The following SUCLG2 variants were observed in gnomAD, a reference collection of about 807,000 sequenced individuals.
SUCLG2 encodes succinate--CoA ligase [GDP-forming] subunit beta, mitochondrial.
In SUCLG2, 42 loss-of-function variants were observed where a neutral mutation model predicts 47.9. The observed-to-expected ratio is 0.88, with a 90% CI of 0.69 to 1.14. The LOEUF (loss-of-function observed/expected upper bound fraction) is 1.14, where lower values mean the gene tolerates loss of function less well. Ranked by LOEUF, SUCLG2 falls within the 50% of genes most tolerant of loss-of-function variation. The probability of loss-of-function intolerance (pLI) is 0.00; values close to 1 mark genes in which losing one functional copy is unlikely to be tolerated. For synonymous variants in SUCLG2, 195 were observed against 197.3 expected (o/e 0.99, Z 0.10); for missense variants, 571 against 525.9 (o/e 1.09, Z -0.84).
chr3:67,498,089 C>A (rs1237809024), intron 8 of SUCLG2, 45 bp downstream of exon 8: 1 of 1,555,232 alleles, frequency 6.4e-7, no homozygotes. Context: ...TTCCTAAATT[C>A]TATAAGAATC....
At chr3:67,409,958 G>A (rs1004646802) in intron 9 of SUCLG2, among the ~76,000 whole-genome samples, 3 of 152,238 alleles carry the variant, frequency 2.0e-5, no homozygotes, top group African/African-American at 7.2e-5. Flanking sequence ...TATATTGTAC[G>A]AAGTATTAGA....
At chr3:67,462,763 G>A (rs1704370536) in intron 9 of SUCLG2, among the ~76,000 whole-genome samples, 1 of 152,242 alleles carries the variant, frequency 6.6e-6, no homozygotes, top group African/African-American at 2.4e-5. Context: ...GAGAAACACA[G>A]GTAAAACAAC....
At chr3:67,389,554 A>G (rs995385679) in intron 10 of SUCLG2, among the ~76,000 whole-genome samples, 1 of 152,220 alleles carries the variant, frequency 6.6e-6, no homozygotes, top group Admixed American at 6.5e-5. Flanking sequence ...TGCCAACTAC[A>G]GGGACCTTTG....
chr3:67,570,522 T>G (rs1707578020), intron 2 of SUCLG2, among the ~76,000 whole-genome samples: 1 of 152,164 alleles, frequency 6.6e-6, no homozygotes, highest in South Asian at 2.1e-4. Context: ...CAGCCAATAG[T>G]CTTAGGTTAG....
intron 4 of SUCLG2, among the ~76,000 whole-genome samples, chr3:67,527,218 T>C (rs903744010): frequency 9.9e-5 from 15 of 152,218 alleles, no homozygotes; most frequent in Non-Finnish European, 1.5e-4. Flanking sequence ...GCATGGTGCA[T>C]TGGTAGAGAC....
chr3:67,618,030 A>G (rs895358856), intron 1 of SUCLG2, among the ~76,000 whole-genome samples: 2 of 152,232 alleles, frequency 1.3e-5, no homozygotes, highest in African/African-American at 2.4e-5. Context: ...CTAATCATGG[A>G]ATTTCTATAC....
intron 9 of SUCLG2, among the ~76,000 whole-genome samples, chr3:67,417,236 T>C (rs899643629): frequency 3.3e-5 from 5 of 152,236 alleles, no homozygotes; most frequent in Admixed American, 3.3e-4. Context: ...TCATAAATGT[T>C]TCATTTGGCA....
intron 1 of SUCLG2, among the ~76,000 whole-genome samples, chr3:67,645,524 T>G (rs1701175416): frequency 6.6e-6 from 1 of 152,178 alleles, no homozygotes; most frequent in African/African-American, 2.4e-5. Context: ...TTACTTAGTT[T>G]TTCTAATGTG....
chr3:67,427,911 G>C (rs1471413901), intron 9 of SUCLG2, among the ~76,000 whole-genome samples: 1 of 152,176 alleles, frequency 6.6e-6, no homozygotes, highest in Non-Finnish European at 1.5e-5. Flanking sequence ...CAGCAAGGCT[G>C]GGGGAGGGGC....
chr3:67,539,365 T>C (rs1267636211), intron 2 of SUCLG2, among the ~76,000 whole-genome samples: 2 of 152,198 alleles, frequency 1.3e-5, no homozygotes, highest in Non-Finnish European at 2.9e-5. Context: ...TTATGTTAAT[T>C]GATTTGTGTA....
At chr3:67,574,128 A>C (rs1707686718) in intron 2 of SUCLG2, among the ~76,000 whole-genome samples, 1 of 152,126 alleles carries the variant, frequency 6.6e-6, no homozygotes, top group Non-Finnish European at 1.5e-5. Context: ...GTCATGCTCA[A>C]ATACCTCCTC....
At chr3:67,490,073 G>C (rs1344805906) in intron 9 of SUCLG2, among the ~76,000 whole-genome samples, 1 of 152,044 alleles carries the variant, frequency 6.6e-6, no homozygotes, top group Non-Finnish European at 1.5e-5. Flanking sequence ...ACATTCTTTT[G>C]ATGGAGCCCT....
chr3:67,637,808 T>C (rs985860710), intron 1 of SUCLG2, among the ~76,000 whole-genome samples: 7 of 152,292 alleles, frequency 4.6e-5, no homozygotes, highest in African/African-American at 1.7e-4. Flanking sequence ...TTTTGATCCA[T>C]GTAGCTTTCT....
At chr3:67,629,182 T>C (rs1398033299) in intron 1 of SUCLG2, among the ~76,000 whole-genome samples, 3 of 152,214 alleles carry the variant, frequency 2.0e-5, no homozygotes, top group Admixed American at 6.5e-5. Flanking sequence ...CAAATATGTG[T>C]TATTTCCTCA....
At position 67,375,516 on chromosome 3, in the gene SUCLG2, G is replaced by C. The variant is rs1383061863; in HGVS notation, c.*228C>G. 2 of 1,277,578 alleles carry C rather than the reference G, an allele frequency of 1.6e-6. No individual in the cohort carries two copies. Among genetic ancestry groups the C allele is most frequent in the East Asian group, 6.9e-5 (2 of 29,012 alleles). 79.1% of individuals were successfully genotyped at this position (1,277,578 alleles called of 1,614,324 possible). Reference sequence around the variant, plus strand: ...ACTGCCTACTGGGCAGGCTTACAGTGACAGAAAAGTATGAGAACACAAGAT... The same window carrying C: ...ACTGCCTACTGGGCAGGCTTACAGTCACAGAAAAGTATGAGAACACAAGAT... On this transcript the variant is annotated 3_prime_UTR_variant, in exon 11 of 11. Transcript: ENST00000307227.
chr3:67,628,487 T>C (rs1677111289), intron 1 of SUCLG2, among the ~76,000 whole-genome samples: 1 of 152,194 alleles, frequency 6.6e-6, no homozygotes, highest in South Asian at 2.1e-4. Context: ...GAGAAGGGTG[T>C]CTAGCTGACC....
intron 2 of SUCLG2, among the ~76,000 whole-genome samples, chr3:67,574,042 T>C (rs1707685093): frequency 6.6e-6 from 1 of 152,220 alleles, no homozygotes; most frequent in Non-Finnish European, 1.5e-5. Context: ...TCTCAGCTAC[T>C]GGAGGACACA....
intron 9 of SUCLG2, among the ~76,000 whole-genome samples, chr3:67,405,461 T>C (rs977735990): frequency 1.3e-5 from 2 of 152,366 alleles, no homozygotes; most frequent in Admixed American, 1.3e-4. Context: ...TCCTTTTGAA[T>C]ATCTGATGAA....
rs111739017 is a variant in SUCLG2, at chr3:67,393,625, T to A, written c.1183+7106A>T. On this transcript the variant is annotated intron_variant, in intron 10 of 10. Coordinates refer to ENST00000307227, the MANE Select transcript of SUCLG2 (RefSeq NM_003848.4). ...GACAAACAAAAAGACAGCAGTAACC[T>A]CTGCAGACTTTAATGTCCCTGTCTG... Among the ~76,000 whole-genome samples, 1,169 of 152,302 alleles carry A rather than the reference T, an allele frequency of 7.7e-3. 20 individuals are homozygous for A. Among genetic ancestry groups the A allele is most frequent in the African/African-American group, 0.027 (1,102 of 41,566 alleles).
Sources: gnomAD v4.1 joint callset for allele counts (sites outside exome capture counted in the v4.1 genomes callset) on GRCh38, gnomAD v4.1.1 for gene constraint, MANE v1.5 for transcripts, NCBI Gene and HGNC (gene_info 2026-07-23, HGNC 2026-07-21) for gene names.